The following TBL1XR1 variants were observed in gnomAD, a reference collection of about 807,000 sequenced individuals.
TBL1XR1 encodes F-box-like/WD repeat-containing protein TBL1XR1.
A neutral mutation model predicts 66.9 loss-of-function variants in TBL1XR1; 5 were observed. That is an observed-to-expected ratio of 0.07 (90% CI 0.04 to 0.16). The LOEUF (loss-of-function observed/expected upper bound fraction) is 0.16, where lower values mean the gene tolerates loss of function less well. Among genes scored for constraint, TBL1XR1 ranks in the 10% least tolerant of loss-of-function variants. TBL1XR1 has a pLI of 1.00. For missense variants in TBL1XR1, 238 were observed against 623.2 expected (o/e 0.38, Z 6.58); for synonymous variants, 210 against 206.0 (o/e 1.02, Z -0.17).
At chr3:177,074,021 A>C (rs1720375599) in intron 2 of TBL1XR1, among the ~76,000 whole-genome samples, 1 of 152,200 alleles carries the variant, frequency 6.6e-6, no homozygotes, top group Non-Finnish European at 1.5e-5. Flanking sequence ...ACACAGCAAC[A>C]AAGAATGCAG....
At position 177,191,648 on chromosome 3, in the gene TBL1XR1, A is replaced by G. The variant is rs116141994; in HGVS notation, c.-122+5473T>C. On this transcript the variant is annotated intron_variant, in intron 1 of 15. Transcript: ENST00000457928. The stretch of plus-strand genomic sequence containing the variant: ...GGCTCATAGAGGAACTGAACTTCTA[A>G]GGACAACTATCTAGACAGCATCTGA... Among the ~76,000 whole-genome samples, 951 of 152,346 alleles carry G rather than the reference A, an allele frequency of 6.2e-3. 4 individuals are homozygous for G. The highest frequency in any genetic ancestry group is 0.01 in the Middle Eastern group (3 of 294).
At chr3:177,071,637 C>A (rs1358411623) in intron 2 of TBL1XR1, among the ~76,000 whole-genome samples, 2 of 152,114 alleles carry the variant, frequency 1.3e-5, no homozygotes, top group African/African-American at 4.8e-5. Context: ...CATCCATCCC[C>A]CACAGGGCAA....
chr3:177,166,896 T>C (rs962703357), intron 1 of TBL1XR1, among the ~76,000 whole-genome samples: 1 of 152,202 alleles, frequency 6.6e-6, no homozygotes, highest in Non-Finnish European at 1.5e-5. Flanking sequence ...TCATTGCTGG[T>C]GCAATCACAA....
At chr3:177,155,718 A>T (rs867659413) in intron 1 of TBL1XR1, among the ~76,000 whole-genome samples, 8 of 152,218 alleles carry the variant, frequency 5.3e-5, no homozygotes, top group African/African-American at 1.9e-4. Flanking sequence ...CCATACACAA[A>T]AATTATATCA....
rs77478951 is a variant in TBL1XR1 at position 177,038,442 on chromosome 3, G to A, written c.926-8C>T. The stretch of plus-strand genomic sequence containing the variant: ...CAACATCCAATGCTGGTGCTGCAAA[G>A]GAACAAAGGTTAGATTTGCTTTTAT... On this transcript the variant is annotated splice_polypyrimidine_tract_variant and splice_region_variant and intron_variant, in intron 10 of 15. Transcript: ENST00000457928. The A allele has an allele frequency of 0.092, 140,485 of 1,521,326 alleles. 7,592 individuals are homozygous for A. The highest frequency in any genetic ancestry group is 0.11 in the Non-Finnish European group (123,340 of 1,132,368). The allele number at this position is 1,521,326 out of a possible 1,614,324, so 94.2% of individuals were successfully genotyped here. A position where few individuals can be genotyped will look rare whatever the true frequency, so the allele number is the denominator to read the frequency against.
At chr3:177,078,248 AT>A (rs1487033468) in intron 2 of TBL1XR1, among the ~76,000 whole-genome samples, 1 of 152,172 alleles carries the variant, frequency 6.6e-6, no homozygotes, top group East Asian at 1.9e-4. Context: ...ATTCAAATAT[AT>A]TTTTAAACTT....
intron 1 of TBL1XR1, among the ~76,000 whole-genome samples, chr3:177,139,150 CAAA>C (rs1729335087): frequency 6.6e-6 from 1 of 152,036 alleles, no homozygotes; most frequent in African/African-American, 2.4e-5. Flanking sequence ...CATAGGGACT[CAAA>C]AAACACACTG....
At chr3:177,131,466 CA>C (rs1169631302) in intron 1 of TBL1XR1, 94 of 682,352 alleles carry the variant, frequency 1.4e-4, no homozygotes, top group Non-Finnish European at 1.5e-4. Context: ...GTTGAGAAAA[CA>C]AAAAAAAACT....
chr3:177,092,296 AAGATT>A (rs1266507878), intron 2 of TBL1XR1, among the ~76,000 whole-genome samples: 2 of 152,210 alleles, frequency 1.3e-5, no homozygotes, highest in African/African-American at 2.4e-5. Context: ...AACCTAAATT[AAGATT>A]AGATTAATCT....
At chr3:177,168,394 G>A (rs966934589) in intron 1 of TBL1XR1, among the ~76,000 whole-genome samples, 2 of 151,420 alleles carry the variant, frequency 1.3e-5, no homozygotes, top group Non-Finnish European at 2.9e-5. Flanking sequence ...CGATTCTCCT[G>A]CCTCAGCCTT....
chr3:177,194,756 G>A (rs573573772), intron 1 of TBL1XR1, among the ~76,000 whole-genome samples: 1 of 152,262 alleles, frequency 6.6e-6, no homozygotes, highest in Admixed American at 6.5e-5. Flanking sequence ...ATTCTTTCGG[G>A]AGACTGGTGT....
intron 11 of TBL1XR1, 38 bp downstream of exon 11, chr3:177,038,275 A>T: frequency 1.9e-6 from 3 of 1,594,152 alleles, no homozygotes; most frequent in Non-Finnish European, 2.6e-6. Flanking sequence ...ATTACTTGTT[A>T]ATCATGACCA....
At chr3:177,109,701 A>T (rs1450456155) in intron 1 of TBL1XR1, among the ~76,000 whole-genome samples, 1 of 152,120 alleles carries the variant, frequency 6.6e-6, no homozygotes, top group Non-Finnish European at 1.5e-5. Flanking sequence ...TTGATTAATA[A>T]GTAATGTTAC....
intron 6 of TBL1XR1, 129 bp from the exon 7 acceptor site, chr3:177,050,267 T>G: frequency 7.4e-7 from 1 of 1,347,232 alleles, no homozygotes; most frequent in Non-Finnish European, 1.0e-6. Context: ...TTTCCAGTAT[T>G]TTTCCCATTC....
At chr3:177,159,247 C>T (rs1350522348) in intron 1 of TBL1XR1, among the ~76,000 whole-genome samples, 2 of 151,876 alleles carry the variant, frequency 1.3e-5, no homozygotes, top group Non-Finnish European at 2.9e-5. Flanking sequence ...AGCTCACTTC[C>T]AATACTGAAA....
chr3:177,119,121 G>A (rs1480944278), intron 1 of TBL1XR1, among the ~76,000 whole-genome samples: 1 of 152,076 alleles, frequency 6.6e-6, no homozygotes, highest in African/African-American at 2.4e-5. Context: ...ACAGGCACCT[G>A]CCACCACACC....
At chr3:177,179,056 G>A (rs1015897182) in intron 1 of TBL1XR1, among the ~76,000 whole-genome samples, 4 of 149,074 alleles carry the variant, frequency 2.7e-5, no homozygotes, top group Middle Eastern at 3.4e-3. Flanking sequence ...GGTGGCAATT[G>A]CAGTGAGCCA....
intron 1 of TBL1XR1, among the ~76,000 whole-genome samples, chr3:177,121,618 A>C (rs1726983978): frequency 6.6e-6 from 1 of 152,198 alleles, no homozygotes; most frequent in African/African-American, 2.4e-5. Flanking sequence ...CTGAGGGAAA[A>C]GGTCTTATCT....
At chr3:177,188,357 G>A (rs1735700241) in intron 1 of TBL1XR1, among the ~76,000 whole-genome samples, 1 of 152,104 alleles carries the variant, frequency 6.6e-6, no homozygotes, top group Admixed American at 6.5e-5. Flanking sequence ...AAACCAGCCT[G>A]GCCAACATGG....
Sources: allele counts gnomAD v4.1 joint callset (sites outside exome capture counted in the v4.1 genomes callset), GRCh38; gene constraint gnomAD v4.1.1; transcripts MANE v1.5; gene names NCBI Gene and HGNC (gene_info 2026-07-23, HGNC 2026-07-21).